The following ASB3 variants were observed in gnomAD, a reference collection of about 807,000 sequenced individuals.
The protein encoded by ASB3 is ankyrin repeat and SOCS box containing 3.
A neutral mutation model predicts 54.5 loss-of-function variants in ASB3; 41 were observed. The ratio of observed to expected loss-of-function variants is 0.75; its 90% CI spans 0.59 to 0.98. The LOEUF (loss-of-function observed/expected upper bound fraction) is 0.98, where lower values mean the gene tolerates loss of function less well. ASB3 is among the 50% of genes least tolerant of loss of function. ASB3 has a pLI of 0.00. For missense variants in ASB3, 733 were observed against 620.0 expected (o/e 1.18, Z -1.94); for synonymous variants, 266 against 221.2 (o/e 1.20, Z -1.80).
chr2:53,779,666 A>T (rs2104209638), intron 1 of ASB3, among the ~76,000 whole-genome samples: 1 of 152,146 alleles, frequency 6.6e-6, no homozygotes, highest in East Asian at 1.9e-4. Context: ...TGAACTCCTG[A>T]GCTCAAGTGA....
intron 5 of ASB3, among the ~76,000 whole-genome samples, chr2:53,725,010 A>G (rs775233059): frequency 6.6e-6 from 1 of 152,204 alleles, no homozygotes; most frequent in Non-Finnish European, 1.5e-5. Flanking sequence ...TCACAATAGC[A>G]AAGACATGGA....
chr2:53,706,278 T>C (rs915321019), intron 7 of ASB3, among the ~76,000 whole-genome samples: 1 of 152,202 alleles, frequency 6.6e-6, no homozygotes, highest in East Asian at 1.9e-4. Context: ...ATAAATATGC[T>C]AATCTGATAT....
intron 1 of ASB3, among the ~76,000 whole-genome samples, chr2:53,770,464 T>C (rs907310774): frequency 7.4e-5 from 9 of 122,382 alleles, no homozygotes; most frequent in Admixed American, 7.2e-4. Context: ...TCAGTACACA[T>C]ACAGCCTTTG....
chr2:53,682,339 T>C (rs1668419290), intron 9 of ASB3, among the ~76,000 whole-genome samples: 1 of 152,238 alleles, frequency 6.6e-6, no homozygotes, highest in African/African-American at 2.4e-5. Flanking sequence ...GTATCCTCTT[T>C]AATTTCTTTC....
At chr2:53,696,687 T>C (rs924561197) in intron 8 of ASB3, among the ~76,000 whole-genome samples, 15 of 152,210 alleles carry the variant, frequency 9.9e-5, no homozygotes, top group South Asian at 4.1e-4. Context: ...CAATGGTAGA[T>C]TGAGAATACT....
chr2:53,767,780 C>A (rs1673577258), intron 1 of ASB3: 5 of 1,427,064 alleles, frequency 3.5e-6, no homozygotes, highest in African/African-American at 1.4e-5. Flanking sequence ...GTGGCCATCG[C>A]GCCTGCGCCC....
intron 3 of ASB3, among the ~76,000 whole-genome samples, chr2:53,738,696 G>A (rs1351161377): frequency 6.6e-6 from 1 of 152,184 alleles, no homozygotes; most frequent in African/African-American, 2.4e-5. Context: ...TCAGCTGCAG[G>A]TCTTGGAGTA....
intron 8 of ASB3, among the ~76,000 whole-genome samples, chr2:53,699,146 G>A (rs182028171): frequency 4.6e-5 from 7 of 152,226 alleles, no homozygotes; most frequent in South Asian, 4.2e-4. Flanking sequence ...GTCATCACTC[G>A]GTGAGAGAAC....
At chr2:53,719,038 A>G (rs897279956) in intron 5 of ASB3, among the ~76,000 whole-genome samples, 1 of 152,114 alleles carries the variant, frequency 6.6e-6, no homozygotes, top group Non-Finnish European at 1.5e-5. Flanking sequence ...CTCCTGCCTC[A>G]GCCTCCCGAG....
chr2:53,702,679 T>C (rs1669556191), intron 7 of ASB3, among the ~76,000 whole-genome samples: 1 of 152,342 alleles, frequency 6.6e-6, no homozygotes, highest in South Asian at 2.1e-4. Flanking sequence ...ATCCAATGTC[T>C]AGACCTTATT....
rs1346349462 is a variant in ASB3, at chr2:53,774,283, A to G, written c.-13-8698T>C. The G allele has an allele frequency of 6.2e-7, 1 of 1,614,180 alleles. No homozygotes were observed. The highest frequency in any genetic ancestry group is 1.7e-5 in the Admixed American group (1 of 60,018). ...AAAAGATCCCACAACAAAACCATTCAGTGTATTGCTATATATTGGAACATG... is the reference window on the plus strand; with the variant it reads ...AAAAGATCCCACAACAAAACCATTCGGTGTATTGCTATATATTGGAACATG... On this transcript the variant is annotated intron_variant, in intron 1 of 9. Coordinates refer to ENST00000263634, the MANE Select transcript of ASB3 (RefSeq NM_016115.5).
intron 1 of ASB3, among the ~76,000 whole-genome samples, chr2:53,772,232 T>G (rs565042461): frequency 3.9e-5 from 6 of 152,292 alleles, no homozygotes; most frequent in African/African-American, 1.4e-4. Context: ...TGGAGTGCAG[T>G]GGCGCGATCT....
chr2:53,675,601 C>A (rs1280141048), intron 9 of ASB3, among the ~76,000 whole-genome samples: 4 of 152,090 alleles, frequency 2.6e-5, no homozygotes, highest in African/African-American at 9.7e-5. Context: ...TTCTATCTAG[C>A]CTATCTAGCA....
At chr2:53,735,658 T>C (rs1671586899) in intron 3 of ASB3, among the ~76,000 whole-genome samples, 1 of 150,104 alleles carries the variant, frequency 6.7e-6, no homozygotes, top group African/African-American at 2.4e-5. Flanking sequence ...CAAAAACTGA[T>C]TCATACAGAT....
chr2:53,683,711 G>T (rs1359826200), intron 9 of ASB3, among the ~76,000 whole-genome samples: 1 of 152,044 alleles, frequency 6.6e-6, no homozygotes, highest in African/African-American at 2.4e-5. Context: ...TTGGAAGATT[G>T]TATGTGTCGA....
intron 7 of ASB3, 106 bp from the exon 8 acceptor site, chr2:53,700,634 G>A: frequency 7.0e-7 from 1 of 1,419,904 alleles, no homozygotes; most frequent in Non-Finnish European, 9.3e-7. Context: ...AAGTATGGCA[G>A]ATTAAATAGT....
chr2:53,729,395 G>C, intron 4 of ASB3, 63 bp downstream of exon 4: 2 of 1,556,974 alleles, frequency 1.3e-6, no homozygotes, highest in Non-Finnish European at 1.8e-6. Context: ...GCATAGGACT[G>C]TCATTTTAAG....
intron 3 of ASB3, among the ~76,000 whole-genome samples, chr2:53,745,568 T>C (rs1042044546): frequency 9.2e-5 from 14 of 152,178 alleles, no homozygotes; most frequent in African/African-American, 3.1e-4. Context: ...CATAATCAGA[T>C]CCAACACACC....
chr2:53,708,259 T>G (rs1669900034), intron 7 of ASB3, among the ~76,000 whole-genome samples: 1 of 152,168 alleles, frequency 6.6e-6, no homozygotes, highest in Non-Finnish European at 1.5e-5. Context: ...CTCACTCTCT[T>G]GCTCCTGCTC....
Sources: gnomAD v4.1 joint callset for allele counts (sites outside exome capture counted in the v4.1 genomes callset) on GRCh38, gnomAD v4.1.1 for gene constraint, MANE v1.5 for transcripts, NCBI Gene and HGNC (gene_info 2026-07-23, HGNC 2026-07-21) for gene names.